The following RBFOX1 variants were observed in gnomAD, a reference collection of about 807,000 sequenced individuals.
RBFOX1 encodes RNA binding protein fox-1 homolog 1.
RBFOX1 carries 8 observed loss-of-function variants against 57.7 expected under a neutral mutation model. That is an observed-to-expected ratio of 0.14 (90% CI 0.08 to 0.25). The LOEUF (loss-of-function observed/expected upper bound fraction) is 0.25, where lower values mean the gene tolerates loss of function less well. RBFOX1 is among the 10% of genes least tolerant of loss of function. The pLI is 1.00. For synonymous variants in RBFOX1, 326 were observed against 222.4 expected (o/e 1.47, Z -4.15); for missense variants, 611 against 548.5 (o/e 1.11, Z -1.14).
At chr16:6,869,079 C>G (rs932435646) in intron 3 of RBFOX1, among the ~76,000 whole-genome samples, 1 of 152,140 alleles carries the variant, frequency 6.6e-6, no homozygotes, top group African/African-American at 2.4e-5. Flanking sequence ...TTGCTATAAG[C>G]CACTAACTTC....
chr16:6,323,269 C>T (rs555920945), intron 2 of RBFOX1, among the ~76,000 whole-genome samples: 9 of 152,100 alleles, frequency 5.9e-5, no homozygotes, highest in African/African-American at 2.2e-4. Context: ...AAGAGGGAAG[C>T]CCAGGCAGCA....
intron 4 of RBFOX1, among the ~76,000 whole-genome samples, chr16:7,062,665 C>T (rs906150973): frequency 6.6e-6 from 1 of 152,064 alleles, no homozygotes; most frequent in Admixed American, 6.6e-5. Context: ...ATTCTTTCTC[C>T]TGAGACTCTG....
At chr16:5,963,543 C>G (rs372653068) in intron 4 of RBFOX1, among the ~76,000 whole-genome samples, 1 of 152,152 alleles carries the variant, frequency 6.6e-6, no homozygotes, top group African/African-American at 2.4e-5. Flanking sequence ...CACTATGGTA[C>G]TGGCATATAA....
chr16:7,176,394 G>C (rs2081650901), intron 4 of RBFOX1, among the ~76,000 whole-genome samples: 1 of 151,856 alleles, frequency 6.6e-6, no homozygotes, highest in Admixed American at 6.5e-5. Flanking sequence ...ACTATAATTT[G>C]ACCACACACA....
chr16:6,239,224 A>C (rs1390202898), intron 1 of RBFOX1, among the ~76,000 whole-genome samples: 1 of 152,120 alleles, frequency 6.6e-6, no homozygotes, highest in African/African-American at 2.4e-5. Flanking sequence ...AATGATGGTC[A>C]TCTTGTGCTT....
At chr16:6,855,660 A>AAG in intron 3 of RBFOX1, among the ~76,000 whole-genome samples, 1 of 150,818 alleles carries the variant, frequency 6.6e-6, no homozygotes, top group East Asian at 2.0e-4. Context: ...CTCAAAAAAA[A>AAG]AAAAAAAAGA....
intron 3 of RBFOX1, among the ~76,000 whole-genome samples, chr16:5,726,689 C>T (rs1265893166): frequency 6.6e-6 from 1 of 152,204 alleles, no homozygotes; most frequent in South Asian, 2.1e-4. Context: ...GTATTATTTG[C>T]AATGCTAATA....
intron 2 of RBFOX1, among the ~76,000 whole-genome samples, chr16:5,482,316 C>G (rs1352146): frequency 0.35 from 53,761 of 151,930 alleles, 9,723 homozygotes; most frequent in Middle Eastern, 0.48. Flanking sequence ...GTGATGCACA[C>G]CATTCGGTAC....
intron 2 of RBFOX1, among the ~76,000 whole-genome samples, chr16:5,593,335 C>T (rs1324421024): frequency 6.8e-6 from 1 of 147,438 alleles, no homozygotes; most frequent in Non-Finnish European, 1.5e-5. Flanking sequence ...ATACCGGGGC[C>T]TGTCAGAGGG....
intron 5 of RBFOX1, among the ~76,000 whole-genome samples, chr16:7,567,759 C>CTA (rs996864090): frequency 6.8e-5 from 10 of 146,112 alleles, no homozygotes; most frequent in African/African-American, 2.5e-4. Flanking sequence ...CCATATAACC[C>CTA]TATATATATC....
intron 3 of RBFOX1, among the ~76,000 whole-genome samples, chr16:5,794,586 A>G (rs940319029): frequency 4.6e-5 from 7 of 152,230 alleles, no homozygotes; most frequent in South Asian, 4.2e-4. Flanking sequence ...CGGGCAGGTC[A>G]GATGTTGTGT....
chr16:5,377,655 G>A (rs931623837), intron 1 of RBFOX1, among the ~76,000 whole-genome samples: 4 of 151,214 alleles, frequency 2.6e-5, no homozygotes, highest in African/African-American at 9.9e-5. Flanking sequence ...AGAGAAGGCG[G>A]AGGCAGAGAC....
intron 4 of RBFOX1, among the ~76,000 whole-genome samples, chr16:7,440,078 A>G (rs999081754): frequency 2.0e-5 from 3 of 150,978 alleles, no homozygotes; most frequent in Admixed American, 6.6e-5. Flanking sequence ...CAGCCCCTCA[A>G]GTTGCTGGGG....
chr16:6,124,871 C>T (rs1330925776), intron 1 of RBFOX1, among the ~76,000 whole-genome samples: 1 of 152,058 alleles, frequency 6.6e-6, no homozygotes, highest in African/African-American at 2.4e-5. Flanking sequence ...TTAAAAATAG[C>T]CCAAACAAGC....
At chr16:7,568,729 C>T (rs988405864) in intron 5 of RBFOX1, among the ~76,000 whole-genome samples, 2 of 151,048 alleles carry the variant, frequency 1.3e-5, no homozygotes, top group East Asian at 3.9e-4. Flanking sequence ...ACTAAAAATA[C>T]AAAAAAAATT....
intron 3 of RBFOX1, among the ~76,000 whole-genome samples, chr16:5,854,337 T>C (rs4327051): frequency 0.57 from 87,381 of 152,164 alleles, 26,351 homozygotes; most frequent in East Asian, 0.76. Flanking sequence ...TCTCCCTATT[T>C]CTTCTCACCT....
chr16:5,813,727 C>T (rs753210320), intron 3 of RBFOX1, among the ~76,000 whole-genome samples: 2 of 152,214 alleles, frequency 1.3e-5, no homozygotes, highest in Non-Finnish European at 1.5e-5. Flanking sequence ...ATATCATGCT[C>T]TTAGCAGAGC....
chr16:6,289,383 C>A (rs1163760537), intron 1 of RBFOX1, among the ~76,000 whole-genome samples: 1 of 152,078 alleles, frequency 6.6e-6, no homozygotes, highest in Non-Finnish European at 1.5e-5. Flanking sequence ...CAAAAGTGTA[C>A]CCTTTGCAGA....
rs552583928 is a variant in RBFOX1, at chr16:6,939,626, C to G, written c.-15-112431C>G. Among the ~76,000 whole-genome samples the G allele has an allele frequency of 9.9e-5, 15 of 151,798 alleles. No individual in the cohort carries two copies. In the East Asian group the frequency reaches 1.7e-3, roughly 18 times the overall value. The stretch of plus-strand genomic sequence containing the variant: ...TCCCAAGTTCACTTGATTCTCATGC[C>G]TCAACCACCTGAGTAGCTGCGATTA... On this transcript the variant is annotated intron_variant, in intron 3 of 15. Transcript: ENST00000550418.
Sources: allele counts gnomAD v4.1 joint callset (sites outside exome capture counted in the v4.1 genomes callset), GRCh38; gene constraint gnomAD v4.1.1; transcripts MANE v1.5; gene names NCBI Gene and HGNC (gene_info 2026-07-23, HGNC 2026-07-21).